PPP4R2: variants seen among roughly 807,000 people sequenced by gnomAD.
PPP4R2 encodes protein phosphatase 4 regulatory subunit 2, also known as serine/threonine-protein phosphatase 4 regulatory subunit 2.
Under a neutral mutation model 47.2 loss-of-function variants are expected in PPP4R2, and 13 were observed. The ratio of observed to expected loss-of-function variants is 0.28; its 90% confidence interval spans 0.18 to 0.44. PPP4R2 has a LOEUF of 0.44. Ranked by LOEUF, PPP4R2 falls within the 20% of genes least tolerant of loss-of-function variation. The pLI, the probability that PPP4R2 is intolerant of heterozygous loss-of-function variation, is 1.00. For synonymous variants in PPP4R2, 151 were observed against 163.3 expected, an observed-to-expected ratio of 0.92 and a Z score of 0.57; for missense variants, 421 against 491.2, an observed-to-expected ratio of 0.86 and a Z score of 1.35.
chr3:73,028,051 G>A (rs954337208), intron 2 of PPP4R2, among the ~76,000 whole-genome samples: 2 of 151,178 alleles, frequency 1.3e-5, no homozygotes, highest in African/African-American at 4.9e-5. Context: ...GAGGTCAGGA[G>A]TTTGAGACCA....
chr3:73,051,757 C>T (rs547899548), intron 3 of PPP4R2, among the ~76,000 whole-genome samples: 2 of 152,264 alleles, frequency 1.3e-5, no homozygotes, highest in South Asian at 4.1e-4. Context: ...TCCCCAGTAG[C>T]TGGGACTACA....
At chr3:73,027,295 T>A (rs931660602) in intron 2 of PPP4R2, among the ~76,000 whole-genome samples, 5 of 152,166 alleles carry the variant, frequency 3.3e-5, no homozygotes, top group African/African-American at 7.2e-5. Context: ...GCCTGGCTAA[T>A]TTTTTGCATT....
chr3:73,038,582 G>A (rs905794727), intron 2 of PPP4R2, among the ~76,000 whole-genome samples: 2 of 152,056 alleles, frequency 1.3e-5, no homozygotes, highest in African/African-American at 4.8e-5. Flanking sequence ...TTTTAGTAGA[G>A]ACAGGGTTTC....
intron 2 of PPP4R2, among the ~76,000 whole-genome samples, chr3:73,019,893 A>G (rs1419927785): frequency 2.0e-5 from 3 of 151,956 alleles, no homozygotes; most frequent in East Asian, 3.9e-4. Context: ...GCCATTTACA[A>G]TTTTGTCTTA....
chr3:73,021,848 A>ATGTGTG (rs34010770), intron 2 of PPP4R2, among the ~76,000 whole-genome samples: 258 of 130,998 alleles, frequency 2.0e-3, no homozygotes, highest in Middle Eastern at 7.9e-3. Context: ...ACATTTCTAT[A>ATGTGTG]TGTGTGTGTG....
chr3:73,048,786 A>T lies in PPP4R2; in HGVS notation c.287+1430A>T, dbSNP rs549083593. Among the ~76,000 whole-genome samples the T allele has an allele frequency of 5.9e-5, 9 of 152,358 alleles. No homozygotes were observed. The South Asian group carries it at 1.9e-3, about 32-fold the overall frequency. On this transcript the variant is annotated intron_variant, in intron 3 of 8. Coordinates refer to ENST00000356692, the MANE Select transcript of PPP4R2 (RefSeq NM_174907.4). ...CTTGATTCTTTAGGTATTTAATTGC[A>T]TGGGATTTTGAAATAAGATAGTGTA...
In PPP4R2 at chr3:72,997,023, G is replaced by T; in HGVS notation, c.-15G>T. 7.2e-7 allele frequency: 1 copy of T among 1,393,218 alleles called. No individual in the cohort carries two copies. Among genetic ancestry groups the T allele is most frequent in the East Asian group, 3.0e-5 (1 of 33,006 alleles). The allele number at this position is 1,393,218 out of a possible 1,614,324, so 86.3% of individuals were successfully genotyped here. On this transcript the variant is annotated 5_prime_UTR_variant, in exon 1 of 9. Coordinates refer to ENST00000356692, the MANE Select transcript of PPP4R2 (RefSeq NM_174907.4). ...CGCGGAGGGAGGCGGAGGCTGTGAG[G>T]GACTCCGGGAAGCCATGGACGTCGA...
chr3:73,016,853 C>CT (rs1701850253), intron 2 of PPP4R2, among the ~76,000 whole-genome samples: 1 of 133,228 alleles, frequency 7.5e-6, no homozygotes, highest in Non-Finnish European at 1.5e-5. Flanking sequence ...GAGTCTCACT[C>CT]TGTCGCCCAG....
intron 2 of PPP4R2, among the ~76,000 whole-genome samples, chr3:73,045,661 G>A (rs1176755137): frequency 6.6e-6 from 1 of 151,642 alleles, no homozygotes; most frequent in Non-Finnish European, 1.5e-5. Flanking sequence ...TGTGTAGCTG[G>A]GATTACAGGC....
intron 2 of PPP4R2, among the ~76,000 whole-genome samples, chr3:73,002,214 T>A (rs1701481312): frequency 6.6e-6 from 1 of 152,192 alleles, no homozygotes. Context: ...ATACCACATT[T>A]TCTTTTCCAT....
At chr3:73,010,739 C>G (rs1701707104) in intron 2 of PPP4R2, among the ~76,000 whole-genome samples, 1 of 151,958 alleles carries the variant, frequency 6.6e-6, no homozygotes, top group Non-Finnish European at 1.5e-5. Context: ...TTTAGTACAC[C>G]ATGTTGGCCA....
At chr3:73,014,582 G>A (rs1265618011) in intron 2 of PPP4R2, among the ~76,000 whole-genome samples, 2 of 152,144 alleles carry the variant, frequency 1.3e-5, no homozygotes, top group African/African-American at 2.4e-5. Flanking sequence ...ACAGGCATGA[G>A]CCATTGTGCA....
In PPP4R2 at chr3:73,062,879, C is replaced by G. The variant is rs371423367; in HGVS notation, c.420-794C>G. 2.4e-5 allele frequency: 38 copies of G among 1,611,124 alleles called. No individual in the cohort carries two copies. The African/African-American group carries it at 5.0e-4, about 21-fold the overall frequency. On this transcript the variant is annotated intron_variant, in intron 5 of 8. Transcript: ENST00000356692. ...TTGGAGACTTTGAATCCCCTCTACA[C>G]AAGCTACGCAAGTCAAGTTAGTTGC...
At chr3:73,039,197 C>T (rs530112838) in intron 2 of PPP4R2, among the ~76,000 whole-genome samples, 2 of 152,312 alleles carry the variant, frequency 1.3e-5, no homozygotes, top group East Asian at 3.9e-4. Flanking sequence ...CATCTTGGCT[C>T]ACTGCAACCT....
In PPP4R2 at chr3:73,063,839, A is replaced by G. The variant is rs554895862; in HGVS notation, c.494+92A>G. On this transcript the variant is annotated intron_variant, in intron 6 of 8. Coordinates refer to ENST00000356692, the MANE Select transcript of PPP4R2 (RefSeq NM_174907.4). ...GTACTTTTTAAAAATTGGGCATTTT[A>G]TGGACACCATAGGATGAACTACATA... 2.0e-5 allele frequency: 23 copies of G among 1,132,482 alleles called. No individual in the cohort carries two copies. The Admixed American group carries it at 2.3e-4, about 11-fold the overall frequency. The allele number at this position is 1,132,482 out of a possible 1,614,324, so 70.2% of individuals were successfully genotyped here.
intron 1 of PPP4R2, 31 bp downstream of exon 1, chr3:72,997,102 C>A: frequency 7.5e-7 from 1 of 1,339,122 alleles, no homozygotes; most frequent in South Asian, 1.9e-5. Context: ...TCCATTCCCC[C>A]TCACCTTCTC....
At chr3:73,018,923 A>G (rs941152468) in intron 2 of PPP4R2, among the ~76,000 whole-genome samples, 2 of 152,128 alleles carry the variant, frequency 1.3e-5, no homozygotes, top group Non-Finnish European at 2.9e-5. Flanking sequence ...TTTGCTTACT[A>G]GTCTGTTTCT....
At chr3:73,061,788 C>T (rs1702863722) in intron 5 of PPP4R2, 3 of 324,724 alleles carry the variant, frequency 9.2e-6, no homozygotes, top group Admixed American at 9.8e-5. Context: ...TCACTGCAGC[C>T]TTAAACTCTA....
chr3:73,021,644 T>A (rs1465970292), intron 2 of PPP4R2, among the ~76,000 whole-genome samples: 1 of 152,104 alleles, frequency 6.6e-6, no homozygotes, highest in African/African-American at 2.4e-5. Context: ...TTTATCACAG[T>A]ATTTGTGTAA....
Sources: allele counts gnomAD v4.1 joint callset (sites outside exome capture counted in the v4.1 genomes callset), GRCh38; gene constraint gnomAD v4.1.1; transcripts MANE v1.5; gene names NCBI Gene and HGNC (gene_info 2026-07-23, HGNC 2026-07-21).